YIPF7: variants seen among roughly 807,000 people sequenced by gnomAD.
YIPF7 encodes the protein protein YIPF7.
A neutral mutation model predicts 27.2 loss-of-function variants in YIPF7; 35 were observed. The observed-to-expected ratio is 1.29, with a 90% CI of 0.98 to 1.70. YIPF7 has a LOEUF of 1.70. Among genes scored for constraint, YIPF7 ranks in the 40% most tolerant of loss-of-function variants. The pLI is 0.00. For synonymous variants in YIPF7, 137 were observed against 110.4 expected, an observed-to-expected ratio of 1.24 and a Z score of -1.51; for missense variants, 358 against 303.7, an observed-to-expected ratio of 1.18 and a Z score of -1.33.
chr4:44,633,881 C>G (rs1456275568), intron 3 of YIPF7, among the ~76,000 whole-genome samples: 1 of 152,058 alleles, frequency 6.6e-6, no homozygotes, highest in Non-Finnish European at 1.5e-5. Flanking sequence ...TGAGAAATGT[C>G]AAAATTTTTT....
intron 3 of YIPF7, among the ~76,000 whole-genome samples, chr4:44,630,080 T>C (rs1712832574): frequency 6.6e-6 from 1 of 152,186 alleles, no homozygotes; most frequent in East Asian, 1.9e-4. Context: ...GCAATCCTCC[T>C]GGCTCAGCCT....
upstream of YIPF7, among the ~76,000 whole-genome samples, chr4:44,652,553 T>C (rs1297741153): frequency 6.6e-6 from 1 of 152,238 alleles, no homozygotes; most frequent in Admixed American, 6.5e-5. Context: ...TTTTTCCACA[T>C]TGTTTAAAAG....
intron 3 of YIPF7, among the ~76,000 whole-genome samples, chr4:44,630,032 A>C (rs1352537799): frequency 6.6e-6 from 1 of 152,120 alleles, no homozygotes; most frequent in Non-Finnish European, 1.5e-5. Flanking sequence ...GCTGGAGTGC[A>C]GTGGCACGAT....
chr4:44,660,054 C>T (rs922465827), intron 2 of YIPF7, among the ~76,000 whole-genome samples: 5 of 129,376 alleles, frequency 3.9e-5, no homozygotes, highest in Admixed American at 1.9e-4. Context: ...GCAGAGCTTG[C>T]AGTGAGCGGA....
intron 2 of YIPF7, among the ~76,000 whole-genome samples, chr4:44,646,429 T>C (rs1259762681): frequency 6.6e-6 from 1 of 152,156 alleles, no homozygotes; most frequent in Admixed American, 6.6e-5. Context: ...AAGATGATGA[T>C]TCAATATTTA....
chr4:44,638,221 T>G (rs1245354105), intron 2 of YIPF7, among the ~76,000 whole-genome samples: 2 of 150,468 alleles, frequency 1.3e-5, no homozygotes, highest in Admixed American at 1.3e-4. Flanking sequence ...TTTTTTTTTT[T>G]TTTTTTTGGC....
chr4:44,637,421 T>C (rs1713165236), intron 2 of YIPF7, among the ~76,000 whole-genome samples: 1 of 152,200 alleles, frequency 6.6e-6, no homozygotes, highest in Non-Finnish European at 1.5e-5. Context: ...CTTTTTGTCA[T>C]TTTAATAAGA....
chr4:44,650,534 T>C (rs1032417574), intron 1 of YIPF7, among the ~76,000 whole-genome samples: 1 of 126,436 alleles, frequency 7.9e-6, no homozygotes, highest in South Asian at 2.5e-4. Flanking sequence ...CACACACACT[T>C]GTACCAAGGA....
intron 4 of YIPF7, among the ~76,000 whole-genome samples, chr4:44,627,108 G>A: frequency 6.6e-6 from 1 of 152,082 alleles, no homozygotes; most frequent in South Asian, 2.1e-4. Flanking sequence ...AATACTTAGT[G>A]TTCTTCTGAT....
At chr4:44,648,155 C>G (rs1553873354) in intron 2 of YIPF7, among the ~76,000 whole-genome samples, 4 of 152,048 alleles carry the variant, frequency 2.6e-5, no homozygotes, top group Non-Finnish European at 5.9e-5. Flanking sequence ...CTCTGTGTGT[C>G]TGTCTTCTCA....
intron 2 of YIPF7, among the ~76,000 whole-genome samples, chr4:44,646,340 T>C (rs1327832224): frequency 1.3e-5 from 2 of 152,296 alleles, no homozygotes; most frequent in East Asian, 3.9e-4. Flanking sequence ...ATTCCTATAC[T>C]CTGGTTGGTC....
intron 4 of YIPF7, among the ~76,000 whole-genome samples, chr4:44,626,556 T>C (rs1712645219): frequency 6.6e-6 from 1 of 152,158 alleles, no homozygotes; most frequent in Non-Finnish European, 1.5e-5. Context: ...TGTCTTTTCA[T>C]GGCAGTTATG....
chr4:44,651,499 C>A, intron 1 of YIPF7, 55 bp downstream of exon 1: 2 of 1,295,910 alleles, frequency 1.5e-6, no homozygotes, highest in Non-Finnish European at 2.1e-6. Context: ...CCTTACATAA[C>A]CGAGCTTTGT....
At chr4:44,622,737 G>A (rs1230095186) in intron 5 of YIPF7, among the ~76,000 whole-genome samples, 161 bp from the exon 6 acceptor site, 2 of 152,102 alleles carry the variant, frequency 1.3e-5, no homozygotes, top group African/African-American at 2.4e-5. Flanking sequence ...GGCCAGTTAG[G>A]CATTTTTTAG....
chr4:44,656,858 A>G (rs1179321255), intron 2 of YIPF7, among the ~76,000 whole-genome samples: 1 of 152,156 alleles, frequency 6.6e-6, no homozygotes. Flanking sequence ...AAAATTTCTA[A>G]TAAGAAAAGT....
Position 44,644,604 on chromosome 4 carries a change from G to A in YIPF7, c.116+5381C>T, listed in dbSNP as rs192779188. Reference sequence around the variant, plus strand: ...TTGTTTTTGATTTTACAGGATCATAGGCAGAAGGGAGTAGCCTTGTGTCAG... The same window carrying A: ...TTGTTTTTGATTTTACAGGATCATAAGCAGAAGGGAGTAGCCTTGTGTCAG... On this transcript the variant is annotated intron_variant, in intron 2 of 5. Coordinates refer to ENST00000415895, the MANE Select transcript of YIPF7 (RefSeq NM_182592.3). Among the ~76,000 whole-genome samples, 203 of 152,248 alleles carry A rather than the reference G, an allele frequency of 1.3e-3. 2 individuals are homozygous for A. Among genetic ancestry groups the A allele is most frequent in the African/African-American group, 4.8e-3 (198 of 41,530 alleles).
At chr4:44,631,097 G>GAT (rs935234090) in intron 3 of YIPF7, among the ~76,000 whole-genome samples, 3 of 152,148 alleles carry the variant, frequency 2.0e-5, no homozygotes, top group African/African-American at 7.2e-5. Flanking sequence ...TTATGCATCA[G>GAT]ATATATAAGG....
At chr4:44,638,530 A>C (rs768324513) in intron 2 of YIPF7, among the ~76,000 whole-genome samples, 3 of 152,162 alleles carry the variant, frequency 2.0e-5, no homozygotes, top group Non-Finnish European at 2.9e-5. Context: ...CTCCTTGTCC[A>C]CTTTTTAATG....
chr4:44,636,105 A>G lies in YIPF7; in HGVS notation c.117-20T>C. The G allele has an allele frequency of 6.3e-7, 1 of 1,590,864 alleles. No individual in the cohort carries two copies. The highest frequency in any genetic ancestry group is 8.6e-7 in the Non-Finnish European group (1 of 1,167,816). On this transcript the variant is annotated intron_variant, in intron 2 of 5. Transcript: ENST00000415895. ...TGTTGTCTAGAAAAAGAAAAATACA[A>G]ACATTTACATGTCTAAGAAAAAGGT...
Sources: allele counts gnomAD v4.1 joint callset (sites outside exome capture counted in the v4.1 genomes callset), GRCh38; gene constraint gnomAD v4.1.1; transcripts MANE v1.5; gene names NCBI Gene and HGNC (gene_info 2026-07-23, HGNC 2026-07-21).